NRP1: variants seen among roughly 807,000 people sequenced by gnomAD.
NRP1 encodes neuropilin-1.
Under a neutral mutation model 106.7 loss-of-function variants are expected in NRP1, and 35 were observed. That is an observed-to-expected ratio of 0.33 (90% CI 0.25 to 0.43). The LOEUF (loss-of-function observed/expected upper bound fraction) is 0.43. Among genes scored for constraint, NRP1 ranks in the 20% least tolerant of loss-of-function variants. The pLI is 1.00. For missense variants in NRP1, 1,024 were observed against 1,170.4 expected (o/e 0.87, Z 1.83); for synonymous variants, 437 against 417.9 (o/e 1.05, Z -0.56).
intron 4 of NRP1, among the ~76,000 whole-genome samples, chr10:33,257,365 G>A (rs1461412958): frequency 3.9e-5 from 6 of 152,120 alleles, no homozygotes; most frequent in Non-Finnish European, 7.4e-5. Flanking sequence ...GGCTGAGTGC[G>A]GTGGCTCACT....
intron 6 of NRP1, among the ~76,000 whole-genome samples, chr10:33,246,237 A>T (rs1365628341): frequency 3.0e-5 from 4 of 132,554 alleles, no homozygotes; most frequent in Admixed American, 7.1e-5. Flanking sequence ...ACCCTCCTTA[A>T]AAAAAAAAAC....
At chr10:33,246,407 C>T (rs536501373) in intron 6 of NRP1, among the ~76,000 whole-genome samples, 3 of 152,112 alleles carry the variant, frequency 2.0e-5, no homozygotes, top group Non-Finnish European at 4.4e-5. Flanking sequence ...AGGTAACAGA[C>T]CTCTGCTTCA....
At chr10:33,182,671 A>T (rs1441995626) in intron 16 of NRP1, 27 bp downstream of exon 16, 2 of 1,565,678 alleles carry the variant, frequency 1.3e-6, no homozygotes, top group East Asian at 2.2e-5. Flanking sequence ...AAAATTTTTT[A>T]AAAATTGGTC....
chr10:33,327,428 G>A lies in NRP1; in HGVS notation c.248+3280C>T, dbSNP rs73253816. On this transcript the variant is annotated intron_variant, in intron 2 of 16. Transcript: ENST00000374867. Reference sequence around the variant, plus strand: ...GCTGGAACAAGGAAAAATATTAAATGTCTTAAATAAGATGAATAGTTTGTT... The same window carrying A: ...GCTGGAACAAGGAAAAATATTAAATATCTTAAATAAGATGAATAGTTTGTT... 6.0e-3 allele frequency among the ~76,000 whole-genome samples: 909 copies of A among 152,202 alleles called. 12 individuals carry two copies. Among genetic ancestry groups the A allele is most frequent in the African/African-American group, 0.02 (843 of 41,542 alleles).
intron 2 of NRP1, among the ~76,000 whole-genome samples, chr10:33,327,236 T>C (rs1847954676): frequency 2.0e-5 from 3 of 152,276 alleles, no homozygotes; most frequent in Admixed American, 6.5e-5. Context: ...TATTTCCAAA[T>C]GTTCTAAAAA....
chr10:33,316,475 A>G (rs1847045707), intron 2 of NRP1, among the ~76,000 whole-genome samples: 1 of 152,210 alleles, frequency 6.6e-6, no homozygotes, highest in Non-Finnish European at 1.5e-5. Flanking sequence ...TCCTCCAGAA[A>G]GAATTTGTAA....
At chr10:33,276,909 C>G (rs1843736192) in intron 2 of NRP1, among the ~76,000 whole-genome samples, 1 of 152,030 alleles carries the variant, frequency 6.6e-6, no homozygotes, top group South Asian at 2.1e-4. Flanking sequence ...GCTTGGACCA[C>G]AAAGCAAGAA....
intron 15 of NRP1, among the ~76,000 whole-genome samples, chr10:33,183,795 T>C (rs1388360812): frequency 6.6e-6 from 1 of 152,244 alleles, no homozygotes; most frequent in Non-Finnish European, 1.5e-5. Flanking sequence ...CAAGGATGCA[T>C]ATTTGATGAA....
chr10:33,205,152 A>C (rs141998743), intron 10 of NRP1, among the ~76,000 whole-genome samples: 1 of 152,364 alleles, frequency 6.6e-6, no homozygotes, highest in East Asian at 1.9e-4. Context: ...AGAACAAGGC[A>C]CACAGTAGAT....
At chr10:33,292,324 TTC>T (rs1249951661) in intron 2 of NRP1, among the ~76,000 whole-genome samples, 20 of 151,872 alleles carry the variant, frequency 1.3e-4, no homozygotes, top group African/African-American at 4.6e-4. Flanking sequence ...GCTAATTTAC[TTC>T]TTTCCCAATT....
chr10:33,295,165 C>T (rs978925681), intron 2 of NRP1, among the ~76,000 whole-genome samples: 1 of 152,180 alleles, frequency 6.6e-6, no homozygotes, highest in Admixed American at 6.5e-5. Context: ...GATTGAATGA[C>T]TGCCAAGTGC....
intron 2 of NRP1, among the ~76,000 whole-genome samples, chr10:33,324,482 A>G (rs1270486095): frequency 2.0e-5 from 3 of 152,252 alleles, no homozygotes; most frequent in Non-Finnish European, 4.4e-5. Flanking sequence ...TCCAGATTGA[A>G]AAGTTTGAAA....
intron 4 of NRP1, among the ~76,000 whole-genome samples, chr10:33,260,527 A>T (rs1842500250): frequency 6.6e-6 from 1 of 152,226 alleles, no homozygotes; most frequent in South Asian, 2.1e-4. Flanking sequence ...CATCATCAGC[A>T]CCGATGTGAC....
At position 33,314,944 on chromosome 10, in the gene NRP1, C is replaced by A. The variant is rs577795098; in HGVS notation, c.248+15764G>T. 3.3e-5 allele frequency among the ~76,000 whole-genome samples: 5 copies of A among 152,170 alleles called. No homozygotes were observed. In the South Asian group the frequency reaches 1.0e-3, roughly 31 times the overall value. On this transcript the variant is annotated intron_variant, in intron 2 of 16. Transcript: ENST00000374867. ...CATTTACTGGGGTTGCCAGCTGGAA[C>A]GGAAGCAGGCTCTAAATTATTTGTG...
chr10:33,253,824 A>T (rs145421272), intron 6 of NRP1, among the ~76,000 whole-genome samples: 1 of 152,290 alleles, frequency 6.6e-6, no homozygotes, highest in East Asian at 1.9e-4. Context: ...CTTTTCTCTG[A>T]TCGTGTAGCG....
At chr10:33,261,053 G>A (rs1159515476) in intron 4 of NRP1, among the ~76,000 whole-genome samples, 1 of 148,320 alleles carries the variant, frequency 6.7e-6, no homozygotes, top group Non-Finnish European at 1.5e-5. Flanking sequence ...AAAGAAAGCT[G>A]TTATGCAGGT....
In NRP1 at chr10:33,334,618, C is replaced by A. The variant is rs1848512185; in HGVS notation, c.-236G>T. On this transcript the variant is annotated 5_prime_UTR_variant, in exon 1 of 17. It adds an upstream start codon to the 5' untranslated region. Transcript: ENST00000374867. ...GTCATTTAGCTCCGGCTTCCTCTCCCTTTTCCCACACTTGTTCCTCTTCCA... is the reference window on the plus strand; with the variant it reads ...GTCATTTAGCTCCGGCTTCCTCTCCATTTTCCCACACTTGTTCCTCTTCCA... 3 of 267,422 alleles carry A rather than the reference C, an allele frequency of 1.1e-5. No individual in the cohort carries two copies. Among genetic ancestry groups the A allele is most frequent in the Non-Finnish European group, 2.0e-5 (3 of 150,460 alleles). The allele number at this position is 267,422 out of a possible 1,614,324, so 16.6% of individuals were successfully genotyped here.
intron 2 of NRP1, among the ~76,000 whole-genome samples, chr10:33,316,691 A>G (rs1038397304): frequency 1.3e-5 from 2 of 152,224 alleles, no homozygotes; most frequent in Admixed American, 1.3e-4. Flanking sequence ...GCACAGCACC[A>G]TGAGATGCAG....
At chr10:33,317,528 C>T (rs1343663601) in intron 2 of NRP1, among the ~76,000 whole-genome samples, 1 of 152,190 alleles carries the variant, frequency 6.6e-6, no homozygotes, top group Non-Finnish European at 1.5e-5. Flanking sequence ...TTTTCTCTTT[C>T]TTGGAAAGGA....
Sources: gnomAD v4.1 joint callset for allele counts (sites outside exome capture counted in the v4.1 genomes callset) on GRCh38, gnomAD v4.1.1 for gene constraint, MANE v1.5 for transcripts, NCBI Gene and HGNC (gene_info 2026-07-23, HGNC 2026-07-21) for gene names.